Variants in PDE11A observed in about 807,000 individuals in gnomAD.
The protein encoded by PDE11A is dual 3',5'-cyclic-AMP and -GMP phosphodiesterase 11A.
PDE11A carries 100 observed loss-of-function variants against 100.5 expected under a neutral mutation model. The ratio of observed to expected loss-of-function variants is 1.00; its 90% CI spans 0.85 to 1.18. PDE11A has a LOEUF of 1.18. Among genes scored for constraint, PDE11A ranks in the 50% most tolerant of loss-of-function variants. PDE11A has a pLI of 0.00. For missense variants in PDE11A, 1,141 were observed against 1,152.6 expected (o/e 0.99, Z 0.15); for synonymous variants, 381 against 420.8 (o/e 0.91, Z 1.16).
At chr2:177,787,569 C>T (rs201434813) in intron 9 of PDE11A, among the ~76,000 whole-genome samples, 21,324 of 149,964 alleles carry the variant, frequency 0.14, 1,784 homozygotes, top group East Asian at 0.3. Context: ...GGACTAAATG[C>T]TCCAATTAAA....
chr2:177,982,152 A>T (rs2085891158), intron 2 of PDE11A, among the ~76,000 whole-genome samples: 1 of 150,970 alleles, frequency 6.6e-6, no homozygotes, highest in South Asian at 2.1e-4. Flanking sequence ...TATAAATTAC[A>T]TACTTACTAA....
In PDE11A at chr2:177,763,086, A is replaced by T. The variant is rs1351819221; in HGVS notation, c.1788+6237T>A. On this transcript the variant is annotated intron_variant, in intron 10 of 19. Transcript: ENST00000286063. ...ACAGCCGGACATTTGAACGCGAAGC[A>T]CTCCGCATATTTATGGATGCGTCCT... Among the ~76,000 whole-genome samples the T allele has an allele frequency of 1.3e-5, 2 of 152,156 alleles. 1 individual carries two copies. Among genetic ancestry groups the T allele is most frequent in the African/African-American group, 4.8e-5 (2 of 41,428 alleles).
At chr2:178,018,812 C>A (rs760869183) in intron 1 of PDE11A, among the ~76,000 whole-genome samples, 18 of 152,302 alleles carry the variant, frequency 1.2e-4, no homozygotes, top group Admixed American at 2.6e-4. Context: ...CCTCTTTAAA[C>A]GCTGGGATCA....
At chr2:177,703,125 A>G (rs972164515) in intron 13 of PDE11A, among the ~76,000 whole-genome samples, 2 of 152,162 alleles carry the variant, frequency 1.3e-5, no homozygotes, top group African/African-American at 2.4e-5. Context: ...AGCTTACAGT[A>G]GTTACTATGT....
chr2:177,953,447 A>G (rs948504014), intron 2 of PDE11A, among the ~76,000 whole-genome samples: 7 of 152,226 alleles, frequency 4.6e-5, no homozygotes, highest in Non-Finnish European at 8.8e-5. Flanking sequence ...GTTTTAAAGA[A>G]AAGTGAATAT....
chr2:177,912,024 A>G (rs903284933), intron 2 of PDE11A, among the ~76,000 whole-genome samples: 1 of 152,160 alleles, frequency 6.6e-6, no homozygotes, highest in African/African-American at 2.4e-5. Flanking sequence ...GGGCAAATAA[A>G]AAAGAAGGAG....
At chr2:177,967,200 C>CTTTTTT (rs34293348) in intron 2 of PDE11A, among the ~76,000 whole-genome samples, 22 of 106,182 alleles carry the variant, frequency 2.1e-4, no homozygotes, top group East Asian at 2.6e-4. Context: ...TCTCCTTTGT[C>CTTTTTT]TTTTTTTTTT....
At chr2:177,681,923 T>C (rs2080871765) in intron 15 of PDE11A, among the ~76,000 whole-genome samples, 1 of 152,222 alleles carries the variant, frequency 6.6e-6, no homozygotes, top group African/African-American at 2.4e-5. Context: ...TATTTTGAAA[T>C]GGCCTTGCAA....
chr2:177,643,125 A>G (rs1430843508), intron 19 of PDE11A, among the ~76,000 whole-genome samples: 1 of 152,196 alleles, frequency 6.6e-6, no homozygotes, highest in Admixed American at 6.5e-5. Flanking sequence ...AATACAGTAA[A>G]TTGGTACCAG....
chr2:177,703,791 C>T (rs538543670), intron 13 of PDE11A, among the ~76,000 whole-genome samples: 2 of 151,302 alleles, frequency 1.3e-5, no homozygotes, highest in Admixed American at 6.6e-5. Flanking sequence ...GGGATGGGGA[C>T]GATAACAACA....
chr2:177,722,718 C>T (rs1330356820), intron 12 of PDE11A, among the ~76,000 whole-genome samples: 2 of 152,128 alleles, frequency 1.3e-5, no homozygotes, highest in Non-Finnish European at 2.9e-5. Context: ...TTAAAAATTA[C>T]TCCTTTTCTA....
chr2:178,020,995 C>T (rs2086404588), intron 1 of PDE11A, among the ~76,000 whole-genome samples: 1 of 140,052 alleles, frequency 7.1e-6, no homozygotes, highest in Non-Finnish European at 1.5e-5. Context: ...GAGTTTCCCT[C>T]TTTTTGTCCA....
At chr2:178,072,905 C>T, upstream of PDE11A, 2 of 1,128,628 alleles carry the variant, frequency 1.8e-6, no homozygotes, top group South Asian at 2.2e-5. Flanking sequence ...ACGGCCCAGG[C>T]TGCCAGGCGG....
intron 13 of PDE11A, chr2:177,702,467 G>T (rs1435111060): frequency 1.3e-5 from 2 of 152,208 alleles, no homozygotes; most frequent in African/African-American, 4.8e-5. Flanking sequence ...AGATCATTTT[G>T]TTCTTTCTTG....
chr2:177,984,121 G>A (rs1465487296), intron 2 of PDE11A, among the ~76,000 whole-genome samples: 2 of 152,154 alleles, frequency 1.3e-5, no homozygotes, highest in Admixed American at 6.5e-5. Context: ...CTTGGGAAGC[G>A]AAGTGGTTTA....
intron 2 of PDE11A, among the ~76,000 whole-genome samples, chr2:177,931,447 A>T (rs551332353): frequency 6.6e-6 from 1 of 152,324 alleles, no homozygotes; most frequent in South Asian, 2.1e-4. Flanking sequence ...ATGAAAAACC[A>T]TACTCCTGGA....
At chr2:177,711,284 T>G (rs1000618435) in intron 13 of PDE11A, among the ~76,000 whole-genome samples, 3 of 152,264 alleles carry the variant, frequency 2.0e-5, no homozygotes, top group African/African-American at 7.2e-5. Context: ...GAGCAAAAAC[T>G]ATATTCCTTG....
chr2:177,629,627 C>A, intron 19 of PDE11A, 65 bp from the exon 20 acceptor site: 2 of 1,527,086 alleles, frequency 1.3e-6, no homozygotes, highest in Non-Finnish European at 1.8e-6. Flanking sequence ...ACATGATTTT[C>A]CACCTTTCAC....
At chr2:177,881,033 A>T (rs2084324632) in intron 4 of PDE11A, among the ~76,000 whole-genome samples, 1 of 152,160 alleles carries the variant, frequency 6.6e-6, no homozygotes, top group Non-Finnish European at 1.5e-5. Flanking sequence ...CGAATCAATA[A>T]ATTGAGTAAA....
Sources: allele counts gnomAD v4.1 joint callset (sites outside exome capture counted in the v4.1 genomes callset), GRCh38; gene constraint gnomAD v4.1.1; transcripts MANE v1.5; gene names NCBI Gene and HGNC (gene_info 2026-07-23, HGNC 2026-07-21).